The following LIMS1 variants were observed in gnomAD, a reference collection of about 807,000 sequenced individuals.
LIMS1 encodes the protein LIM and senescent cell antigen-like-containing domain protein 1.
LIMS1 carries 18 observed loss-of-function variants against 44.1 expected under a neutral mutation model. The observed-to-expected ratio is 0.41, with a 90% CI of 0.28 to 0.61. LIMS1 has a LOEUF of 0.61. Among genes scored for constraint, LIMS1 ranks in the 20% least tolerant of loss-of-function variants. The probability of loss-of-function intolerance (pLI) is 0.32; values close to 1 mark genes in which losing one functional copy is unlikely to be tolerated. For synonymous variants in LIMS1, 93 were observed against 149.1 expected (o/e 0.62, Z 2.74); for missense variants, 201 against 422.0 (o/e 0.48, Z 4.59).
In LIMS1 at chr2:108,581,616, C is replaced by T. The variant is rs191824470; in HGVS notation, c.32+47022C>T. Among the ~76,000 whole-genome samples, 8 of 152,220 alleles carry T rather than the reference C, an allele frequency of 5.3e-5. No homozygotes were observed. The East Asian group carries it at 1.2e-3, about 22-fold the overall frequency. Reference sequence around the variant, plus strand: ...GGACTAAGTGCTGCTATTTAGGGCTCTTTCTTAGATGTTATTATGTTTAGA... The same window carrying T: ...GGACTAAGTGCTGCTATTTAGGGCTTTTTCTTAGATGTTATTATGTTTAGA... On this transcript the variant is annotated intron_variant, in intron 1 of 9. Transcript: ENST00000544547.
intron 1 of LIMS1, among the ~76,000 whole-genome samples, chr2:108,586,765 A>G (rs1048469506): frequency 3.3e-5 from 5 of 152,180 alleles, no homozygotes; most frequent in Non-Finnish European, 7.3e-5. Context: ...GCTGTAGCTC[A>G]GAAGACTTCC....
rs150910902 is a variant in LIMS1, at chr2:108,628,130, G to A, written c.33-31475G>A. The stretch of plus-strand genomic sequence containing the variant: ...CCTTGCTCCTGTTTCTGCCCTTGTG[G>A]TCATAAGGCCATCTTCTCAGTGTGT... On this transcript the variant is annotated intron_variant, in intron 1 of 9. Transcript: ENST00000544547. Among the ~76,000 whole-genome samples the A allele has an allele frequency of 1.2e-4, 18 of 152,336 alleles. No homozygotes were observed. In the East Asian group the frequency reaches 3.5e-3, roughly 29 times the overall value.
chr2:108,591,119 G>T (rs907519828), intron 1 of LIMS1, among the ~76,000 whole-genome samples: 4 of 152,184 alleles, frequency 2.6e-5, no homozygotes, highest in African/African-American at 9.7e-5. Flanking sequence ...TAATATTACA[G>T]TGTAGAGAAT....
At chr2:108,549,259 A>T (rs906941038) in intron 1 of LIMS1, among the ~76,000 whole-genome samples, 4 of 148,258 alleles carry the variant, frequency 2.7e-5, no homozygotes, top group African/African-American at 9.9e-5. Context: ...TTTCAATAAT[A>T]ATGTACAAGT....
chr2:108,672,165 CAAAAAAA>C (rs559219796), intron 3 of LIMS1, among the ~76,000 whole-genome samples, 153 bp from the exon 4 acceptor site: 2 of 56,818 alleles, frequency 3.5e-5, no homozygotes, highest in African/African-American at 1.1e-4. Context: ...GAAACTGTCT[CAAAAAAA>C]AAAAAAAAAA....
rs183387945 is a variant in LIMS1 at position 108,597,919 on chromosome 2, C to G, written c.33-61686C>G. Reference sequence around the variant, plus strand: ...ATGTTGGCAAGGCTGGTCTTGAACTCCTGACCTGGTGATCCGCCCGCCTCA... The same window carrying G: ...ATGTTGGCAAGGCTGGTCTTGAACTGCTGACCTGGTGATCCGCCCGCCTCA... On this transcript the variant is annotated intron_variant, in intron 1 of 9. Coordinates refer to ENST00000544547, the Ensembl canonical transcript of LIMS1. 3.0e-3 allele frequency among the ~76,000 whole-genome samples: 449 copies of G among 152,140 alleles called. 2 individuals carry two copies. The highest frequency in any genetic ancestry group is 0.011 in the African/African-American group (438 of 41,476).
At chr2:108,662,634 GA>G in intron 2 of LIMS1, 1 of 982,264 alleles carries the variant, frequency 1.0e-6, no homozygotes, top group Non-Finnish European at 1.3e-6. Flanking sequence ...TGATATTAGA[GA>G]AAAAAACTAT....
chr2:108,577,938 C>G (rs1685731191), intron 1 of LIMS1, among the ~76,000 whole-genome samples: 1 of 152,120 alleles, frequency 6.6e-6, no homozygotes, highest in African/African-American at 2.4e-5. Flanking sequence ...GGAGTCTTGT[C>G]TTGTTCTGTC....
intron 1 of LIMS1, among the ~76,000 whole-genome samples, chr2:108,599,828 T>C (rs1303237497): frequency 7.9e-5 from 12 of 151,992 alleles, no homozygotes; most frequent in African/African-American, 2.7e-4. Context: ...ACGTTTTCTT[T>C]TGAGAAATAT....
intron 9 of LIMS1, among the ~76,000 whole-genome samples, chr2:108,682,897 A>G: frequency 6.6e-6 from 1 of 152,250 alleles, no homozygotes; most frequent in East Asian, 1.9e-4. Context: ...ACCAAGTTGT[A>G]TATTTACTCA....
chr2:108,683,046 G>T (rs114825352), intron 9 of LIMS1, among the ~76,000 whole-genome samples: 1,684 of 152,308 alleles, frequency 0.011, 20 homozygotes, highest in Non-Finnish European at 0.016. Flanking sequence ...GATAATGTGT[G>T]TTGCTCTAGC....
chr2:108,682,212 T>G (rs1693048752), intron 9 of LIMS1, among the ~76,000 whole-genome samples: 2 of 152,112 alleles, frequency 1.3e-5, no homozygotes, highest in Non-Finnish European at 2.9e-5. Context: ...TAAATGTAAA[T>G]GTAAGATTAA....
chr2:108,617,649 C>T (rs1044276526), intron 1 of LIMS1, among the ~76,000 whole-genome samples: 2 of 152,164 alleles, frequency 1.3e-5, no homozygotes, highest in Admixed American at 1.3e-4. Flanking sequence ...ATAGATGCAG[C>T]GGTAAGTGGG....
chr2:108,630,864 G>T (rs960441759), intron 1 of LIMS1, among the ~76,000 whole-genome samples: 1 of 152,158 alleles, frequency 6.6e-6, no homozygotes, highest in African/African-American at 2.4e-5. Context: ...TCGTTCTATG[G>T]TAATCATTAA....
rs74583066 is a variant in LIMS1 at position 108,584,664 on chromosome 2, G to A, written c.32+50070G>A. ...AGTGCGGGATCCAGGCAGGAGAGTCGACTAGGAAGGTATGGACAGGTTTTC... is the reference window on the plus strand; with the variant it reads ...AGTGCGGGATCCAGGCAGGAGAGTCAACTAGGAAGGTATGGACAGGTTTTC... On this transcript the variant is annotated intron_variant, in intron 1 of 9. Transcript: ENST00000544547. Among the ~76,000 whole-genome samples, 547 of 152,182 alleles carry A rather than the reference G, an allele frequency of 3.6e-3. 2 individuals carry two copies. The highest frequency in any genetic ancestry group is 5.9e-3 in the Non-Finnish European group (404 of 67,996).
intron 1 of LIMS1, chr2:108,659,296 T>C (rs1194176477): frequency 3.0e-6 from 1 of 334,942 alleles, no homozygotes; most frequent in African/African-American, 2.2e-5. Flanking sequence ...AGCTTGTAAC[T>C]TTCATCTCTG....
In LIMS1 at chr2:108,590,205, T is replaced by C. The variant is rs936867708; in HGVS notation, c.32+55611T>C. 4.6e-5 allele frequency among the ~76,000 whole-genome samples: 7 copies of C among 152,242 alleles called. 1 individual carries two copies. The highest frequency in any genetic ancestry group is 3.9e-4 in the Admixed American group (6 of 15,290). ...AACATTAAGAGTGATACCGATTGCATGTGTAAGGCAGTCTCTTATATAGAT... is the reference window on the plus strand; with the variant it reads ...AACATTAAGAGTGATACCGATTGCACGTGTAAGGCAGTCTCTTATATAGAT... On this transcript the variant is annotated intron_variant, in intron 1 of 9. Transcript: ENST00000544547.
chr2:108,553,288 C>T (rs888441771), intron 1 of LIMS1, among the ~76,000 whole-genome samples: 4 of 152,300 alleles, frequency 2.6e-5, no homozygotes, highest in East Asian at 1.9e-4. Flanking sequence ...GGCTCACTGC[C>T]GTTTGTGTGC....
At chr2:108,607,489 T>C (rs2577603) in intron 1 of LIMS1, among the ~76,000 whole-genome samples, 21,334 of 152,180 alleles carry the variant, frequency 0.14, 1,628 homozygotes, top group African/African-American at 0.17. Context: ...GGTATTGATC[T>C]CTCTAATAAA....
Sources: allele counts gnomAD v4.1 joint callset (sites outside exome capture counted in the v4.1 genomes callset), GRCh38; gene constraint gnomAD v4.1.1; transcripts MANE v1.5; gene names NCBI Gene and HGNC (gene_info 2026-07-23, HGNC 2026-07-21).